The following SYNJ2 variants were observed in gnomAD, a reference collection of about 807,000 sequenced individuals.
SYNJ2 encodes the protein synaptojanin 2, also known as polyphosphatidylinositol phosphatase SYNJ2.
A neutral mutation model predicts 141.3 loss-of-function variants in SYNJ2; 116 were observed. The ratio of observed to expected loss-of-function variants is 0.82; its 90% CI spans 0.71 to 0.96. The LOEUF is 0.96. Among genes scored for constraint, SYNJ2 ranks in the 40% least tolerant of loss-of-function variants. SYNJ2 has a pLI of 0.00. For missense variants in SYNJ2, 1,873 were observed against 1,934.8 expected (o/e 0.97, Z 0.60); for synonymous variants, 745 against 777.7 (o/e 0.96, Z 0.70).
At position 158,068,716 on chromosome 6, in the gene SYNJ2, T is replaced by C. The variant is rs901079706; in HGVS notation, c.1787T>C (p.Ile596Thr). The change falls in exon 13 of 27, where the codon ATT (isoleucine) becomes ACT (threonine). Residue 596 changes from isoleucine (I) to threonine (T), a missense_variant. Physicochemically the swap from Ile to Thr is moderately conservative, Grantham distance 89. Transcript: ENST00000355585. ...ATGGTGGAATTGAGCGCAGGGAATA[T>C]TGTCAATGCCAGGTAAGGGGCCAGG... is the stretch of plus-strand genomic sequence containing the variant. Reference protein sequence around the residue: ...EEMVELSAGNIVNASTTNKKM... With the variant: ...EEMVELSAGNTVNASTTNKKM... The C allele has an allele frequency of 1.9e-6, 3 of 1,614,156 alleles. No individual in the cohort carries two copies. Among genetic ancestry groups the C allele is most frequent in the African/African-American group, 2.7e-5 (2 of 75,050 alleles).
chr6:157,982,077 T>C lies in SYNJ2; in HGVS notation c.116T>C (p.Val39Ala). 7.5e-7 allele frequency: 1 copy of C among 1,335,150 alleles called. No homozygotes were observed. The highest frequency in any genetic ancestry group is 9.6e-7 in the Non-Finnish European group (1 of 1,044,678). 82.7% of individuals were successfully genotyped at this position (1,335,150 alleles called of 1,614,324 possible). ...DDCLLFEAGT[V>A]ATLAPEEKEV... The stretch of plus-strand genomic sequence containing the variant: ...TGCCTGCTGTTCGAGGCCGGCACGG[T>C]GGCCACGCTGGGTGAGTCCGGGCCG... The change falls in exon 1 of 27, where the codon GTG becomes GCG. Residue 39 changes from valine (V) to alanine (A), a missense_variant. Coordinates refer to ENST00000355585, the MANE Select transcript of SYNJ2 (RefSeq NM_003898.4). This position sits in a 1 kb window ranked among gnomAD's most constrained non-coding sequence, Gnocchi z 4.0.
intron 1 of SYNJ2, among the ~76,000 whole-genome samples, chr6:157,990,190 G>A (rs1343693762): frequency 6.6e-6 from 1 of 151,878 alleles, no homozygotes; most frequent in African/African-American, 2.4e-5. Context: ...CCCAGGCCCA[G>A]GCCGCAGGAG....
At chr6:158,073,826 G>T (rs1322637659) in intron 15 of SYNJ2, among the ~76,000 whole-genome samples, 1 of 152,092 alleles carries the variant, frequency 6.6e-6, no homozygotes, top group Non-Finnish European at 1.5e-5. Flanking sequence ...GAGCTAGGCA[G>T]ATGGGAGCTG....
chr6:157,984,081 C>T (rs1777111347), intron 1 of SYNJ2, among the ~76,000 whole-genome samples: 1 of 152,200 alleles, frequency 6.6e-6, no homozygotes. Flanking sequence ...GGTGATCTTT[C>T]CGCCTTGGTC....
rs149758787 is a variant in SYNJ2, at chr6:158,007,915, A to G, written c.128-9289A>G. On this transcript the variant is annotated intron_variant, in intron 1 of 26. Coordinates refer to ENST00000355585, the MANE Select transcript of SYNJ2 (RefSeq NM_003898.4). Reference sequence around the variant, plus strand: ...GCAATCCTCCTGTCTCAGCCTCCCAAATAGCTGGGACCACAGGCTCCCACC... The same window carrying G: ...GCAATCCTCCTGTCTCAGCCTCCCAGATAGCTGGGACCACAGGCTCCCACC... Among the ~76,000 whole-genome samples the G allele has an allele frequency of 3.1e-4, 47 of 152,254 alleles. No individual in the cohort carries two copies. The East Asian group carries it at 8.7e-3, about 28-fold the overall frequency.
At chr6:158,021,534 T>G in intron 2 of SYNJ2, among the ~76,000 whole-genome samples, 1 of 152,086 alleles carries the variant, frequency 6.6e-6, no homozygotes, top group Non-Finnish European at 1.5e-5. Context: ...CTCTCCTCTG[T>G]CCCTGGGAGG....
chr6:158,022,685 T>C (rs1179604737), intron 2 of SYNJ2, among the ~76,000 whole-genome samples: 1 of 152,188 alleles, frequency 6.6e-6, no homozygotes, highest in East Asian at 1.9e-4. Flanking sequence ...GTTTTTCCAC[T>C]TGCTATGAGA....
chr6:158,042,477 C>T (rs548833209), intron 4 of SYNJ2, among the ~76,000 whole-genome samples: 2 of 152,362 alleles, frequency 1.3e-5, no homozygotes, highest in South Asian at 2.1e-4. Flanking sequence ...GCGCCCAGGC[C>T]GCCCTGCCAG....
chr6:157,983,926 C>T (rs1777103012), intron 1 of SYNJ2, among the ~76,000 whole-genome samples: 1 of 152,132 alleles, frequency 6.6e-6, no homozygotes, highest in Non-Finnish European at 1.5e-5. Flanking sequence ...TTCCCAGGCT[C>T]AAGCGATCCT....
chr6:158,094,125 G>A (rs1783651071), intron 26 of SYNJ2: 2 of 644,406 alleles, frequency 3.1e-6, no homozygotes. Flanking sequence ...GACAGCGCTT[G>A]CTTTGTATTT....
At chr6:158,082,014 G>A (rs1782721483) in intron 20 of SYNJ2, among the ~76,000 whole-genome samples, 1 of 152,134 alleles carries the variant, frequency 6.6e-6, no homozygotes, top group South Asian at 2.1e-4. Context: ...CTTCACTCTG[G>A]TTCTAAGGTG....
chr6:158,083,336 G>A, intron 20 of SYNJ2, 93 bp from the exon 21 acceptor site: 1 of 1,460,962 alleles, frequency 6.8e-7, no homozygotes, highest in Non-Finnish European at 9.3e-7. Flanking sequence ...TGGCCTCGTT[G>A]AGGGTGTGTG....
At chr6:157,989,398 G>A (rs1398772036) in intron 1 of SYNJ2, among the ~76,000 whole-genome samples, 15 of 138,438 alleles carry the variant, frequency 1.1e-4, no homozygotes, top group African/African-American at 4.0e-4. Context: ...AATATGTTCA[G>A]TAAAATCTCA....
At position 158,083,551 on chromosome 6, in the gene SYNJ2, G is replaced by A. The variant is rs763904568; in HGVS notation, c.2988G>A (p.Leu996=). 8 of 1,614,068 alleles carry A rather than the reference G, an allele frequency of 5.0e-6. No individual in the cohort carries two copies. Among genetic ancestry groups the A allele is most frequent in the Non-Finnish European group, 6.8e-6 (8 of 1,180,052 alleles). Residue 996 remains leucine, a synonymous_variant, in exon 21 of 27, where the codon TTG becomes TTA. Coordinates refer to ENST00000355585, the MANE Select transcript of SYNJ2 (RefSeq NM_003898.4). ...APVSPTANSC[L]LEENFDFTSL... is the part of the protein sequence containing the mutation. Reference sequence around the variant, plus strand: ...TGTCTCCCACTGCCAACTCCTGTTTGCTGGAGGAAAACTTTGACTTCACAA... The same window carrying A: ...TGTCTCCCACTGCCAACTCCTGTTTACTGGAGGAAAACTTTGACTTCACAA...
rs1240960016 is a variant in SYNJ2, at chr6:158,096,709, C to T, written c.*345C>T. 52 of 181,952 alleles carry T rather than the reference C, an allele frequency of 2.9e-4. No homozygotes were observed. The highest frequency in any genetic ancestry group is 1.5e-4 in the East Asian group (1 of 6,542). The allele number at this position is 181,952 out of a possible 1,614,324, so 11.3% of individuals were successfully genotyped here. A position where few individuals can be genotyped will look rare whatever the true frequency, so the allele number is the denominator to read the frequency against. The stretch of plus-strand genomic sequence containing the variant: ...AAATGGCTGTTCAGTTCATGTTGTA[C>T]GTGATGGAGATTTGTCTTTTGTTTT... On this transcript the variant is annotated 3_prime_UTR_variant, in exon 27 of 27. Transcript: ENST00000355585.
At chr6:158,087,513 T>G (rs985082389) in intron 23 of SYNJ2, among the ~76,000 whole-genome samples, 8 of 152,228 alleles carry the variant, frequency 5.3e-5, no homozygotes, top group Non-Finnish European at 8.8e-5. Flanking sequence ...GCTTTGCCCG[T>G]CCAGCCCTCC....
intron 1 of SYNJ2, among the ~76,000 whole-genome samples, chr6:158,013,655 A>G (rs1048732613): frequency 3.9e-5 from 6 of 152,190 alleles, no homozygotes; most frequent in Non-Finnish European, 8.8e-5. Flanking sequence ...TGTCACCCCA[A>G]GATCAGAACT....
rs370589237 is a variant in SYNJ2, at chr6:158,017,790, G to A, written c.214+500G>A. The A allele has an allele frequency of 3.0e-3, 1,606 of 531,976 alleles. 25 individuals are homozygous for A. Among genetic ancestry groups the A allele is most frequent in the South Asian group, 0.02 (1,434 of 71,272 alleles). 33.0% of individuals were successfully genotyped at this position (531,976 alleles called of 1,614,324 possible). On this transcript the variant is annotated intron_variant, in intron 2 of 26. Coordinates refer to ENST00000355585, the MANE Select transcript of SYNJ2 (RefSeq NM_003898.4). ...CCTGCAGGAACCTGCAGGTGGGGAG[G>A]TCAAGGTGAGTGTTGCCTGGTTGTC...
intron 5 of SYNJ2, among the ~76,000 whole-genome samples, chr6:158,045,356 C>T (rs762913177): frequency 6.6e-5 from 10 of 152,128 alleles, no homozygotes; most frequent in East Asian, 1.9e-4. Context: ...GTGATCCACC[C>T]GCCTCAGCCT....
Sources: allele counts gnomAD v4.1 joint callset (sites outside exome capture counted in the v4.1 genomes callset), GRCh38; gene constraint gnomAD v4.1.1; non-coding constraint Gnocchi (gnomAD v3.1); transcripts MANE v1.5; gene names NCBI Gene and HGNC (gene_info 2026-07-23, HGNC 2026-07-21).